RPA3: variants seen among roughly 807,000 people sequenced by gnomAD.
RPA3 encodes replication protein A 14 kDa subunit.
RPA3 carries 24 observed loss-of-function variants against 13.7 expected under a neutral mutation model. The ratio of observed to expected loss-of-function variants is 1.75; its 90% CI spans 1.27 to 2.46. The LOEUF (loss-of-function observed/expected upper bound fraction) is 2.46. Ranked by LOEUF, RPA3 falls within the 30% of genes most tolerant of loss-of-function variation. The pLI, the probability that RPA3 is intolerant of heterozygous loss-of-function variation, is 0.00. For synonymous variants in RPA3, 59 were observed against 51.2 expected (o/e 1.15, Z -0.65); for missense variants, 183 against 151.0 (o/e 1.21, Z -1.11).
intron 5 of RPA3, among the ~76,000 whole-genome samples, chr7:7,639,535 C>G (rs1207122188): frequency 2.0e-5 from 3 of 152,152 alleles, no homozygotes; most frequent in Non-Finnish European, 4.4e-5. Flanking sequence ...AAAAGGAGAA[C>G]TGGTTGCTAG....
chr7:7,651,294 G>A (rs1785217934), intron 4 of RPA3, among the ~76,000 whole-genome samples: 1 of 152,304 alleles, frequency 6.6e-6, no homozygotes, highest in Middle Eastern at 3.4e-3. Flanking sequence ...GAACCTCCTT[G>A]CAGGACTTGT....
intron 2 of RPA3, among the ~76,000 whole-genome samples, chr7:7,695,868 A>C (rs186161714): frequency 1.8e-4 from 27 of 152,172 alleles, no homozygotes; most frequent in African/African-American, 6.0e-4. Context: ...ACTACATCTT[A>C]TGCACTAATG....
chr7:7,700,508 T>C (rs896688736), intron 2 of RPA3, among the ~76,000 whole-genome samples: 1 of 152,130 alleles, frequency 6.6e-6, no homozygotes, highest in Non-Finnish European at 1.5e-5. Context: ...GAAGATCGCT[T>C]GAGGCCATAA....
At chr7:7,645,011 T>A (rs372216674) in intron 4 of RPA3, among the ~76,000 whole-genome samples, 12 of 152,344 alleles carry the variant, frequency 7.9e-5, no homozygotes, top group South Asian at 4.1e-4. Flanking sequence ...GTTTTGACTT[T>A]TAGCTTAGAT....
chr7:7,669,084 GT>G (rs11340786), intron 4 of RPA3, among the ~76,000 whole-genome samples: 101,861 of 148,898 alleles, frequency 0.68, 34,746 homozygotes, highest in East Asian at 0.86. Flanking sequence ...TGGGAATCAA[GT>G]TTTTTTTTTT....
chr7:7,649,974 C>T (rs1247723159), intron 4 of RPA3, among the ~76,000 whole-genome samples: 1 of 152,214 alleles, frequency 6.6e-6, no homozygotes, highest in Non-Finnish European at 1.5e-5. Context: ...TTTGATCTTA[C>T]ACTTTCCAGC....
intron 4 of RPA3, among the ~76,000 whole-genome samples, chr7:7,656,810 A>T (rs1015883452): frequency 1.3e-5 from 2 of 152,220 alleles, no homozygotes. Flanking sequence ...AATGATTTAT[A>T]ATCCTTTGGG....
rs1211690971 is a variant in RPA3 at position 7,640,397 on chromosome 7, G to A, written c.22C>T (p.Pro8Ser). The A allele has an allele frequency of 1.2e-6, 2 of 1,614,008 alleles. No individual in the cohort carries two copies. The highest frequency in any genetic ancestry group is 1.3e-5 in the African/African-American group (1 of 75,020). MVDMMDL[P>S]RSRINAGMLA... ...ATGCCGGCGTTGATGCGCGACCTGG[G>A]CAAGTCCATCATGTCCACCATGATT... Residue 8 changes from proline to serine, a missense_variant, in exon 5 of 8, where the codon CCC becomes TCC. By Grantham distance (74) the Pro-to-Ser change is moderately conservative (BLOSUM62 -1). Transcript: ENST00000223129.
At chr7:7,716,098 C>G (rs1474970152) in intron 1 of RPA3, among the ~76,000 whole-genome samples, 2 of 151,910 alleles carry the variant, frequency 1.3e-5, no homozygotes, top group Non-Finnish European at 2.9e-5. Flanking sequence ...ATGCAGAAAG[C>G]AAACAAGCTG....
Position 7,673,310 on chromosome 7 carries a change from T to TAGCAGCAGCAGCAGC in RPA3, c.-758+12505_-758+12519dup. 1,786 of 1,033,860 alleles carry TAGCAGCAGCAGCAGC rather than the reference T, an allele frequency of 1.7e-3. 3 individuals are homozygous for TAGCAGCAGCAGCAGC. The highest frequency in any genetic ancestry group is 4.6e-3 in the African/African-American group (280 of 60,990). 64.0% of individuals were successfully genotyped at this position (1,033,860 alleles called of 1,614,324 possible). On this transcript the variant is annotated intron_variant, in intron 4 of 7. Transcript: ENST00000223129. ...CATTGTGTAATGTTTCTATTTCAGGTAGCAGCAGCAGCAGCAGCAGCAGCA... is the reference window on the plus strand; with the variant it reads ...CATTGTGTAATGTTTCTATTTCAGGTAGCAGCAGCAGCAGCAGCAGCAGCAGCAGCAGCAGCAGCA...
intron 2 of RPA3, among the ~76,000 whole-genome samples, chr7:7,698,891 G>T (rs1244784025): frequency 1.4e-5 from 2 of 138,556 alleles, no homozygotes; most frequent in East Asian, 4.2e-4. Context: ...TTTTTTTTGA[G>T]ACAGTCTCAC....
intron 4 of RPA3, among the ~76,000 whole-genome samples, chr7:7,645,172 T>C (rs986583176): frequency 1.3e-5 from 2 of 152,204 alleles, no homozygotes; most frequent in Non-Finnish European, 2.9e-5. Context: ...TTTGAATAAT[T>C]ATAGTTTTGT....
intron 4 of RPA3, among the ~76,000 whole-genome samples, chr7:7,663,508 G>A (rs150155238): frequency 3.3e-5 from 5 of 152,140 alleles, no homozygotes; most frequent in South Asian, 4.1e-4. Flanking sequence ...TAGGTGGGAC[G>A]GAAAAACAGG....
intron 2 of RPA3, among the ~76,000 whole-genome samples, chr7:7,693,161 G>C (rs891053289): frequency 6.6e-6 from 1 of 152,072 alleles, no homozygotes; most frequent in Non-Finnish European, 1.5e-5. Context: ...GAATCTCTCA[G>C]GGAGCTGTAG....
chr7:7,639,707 G>A (rs1178860503), intron 5 of RPA3, among the ~76,000 whole-genome samples: 2 of 152,188 alleles, frequency 1.3e-5, no homozygotes. Flanking sequence ...ACTCATTTAA[G>A]GAAGAGGATG....
At position 7,640,335 on chromosome 7, in the gene RPA3, T is replaced by C. The variant is rs530690791; in HGVS notation, c.84A>G (p.Val28=). Residue 28 remains valine, a synonymous_variant, in exon 5 of 8, where the codon GTA becomes GTG. Coordinates refer to ENST00000223129, the MANE Select transcript of RPA3 (RefSeq NM_002947.5). ...ACCCGCACACCTTTTCCAGCCTCCCTACGAAGCAGACAGGCTTGTCGATGA... is the reference window on the plus strand; with the variant it reads ...ACCCGCACACCTTTTCCAGCCTCCCCACGAAGCAGACAGGCTTGTCGATGA... ...AQFIDKPVCF[V]GRLEKIHPTG... 3 of 1,614,034 alleles carry C rather than the reference T, an allele frequency of 1.9e-6. No individual in the cohort carries two copies. Among genetic ancestry groups the C allele is most frequent in the South Asian group, 2.2e-5 (2 of 91,068 alleles).
intron 2 of RPA3, among the ~76,000 whole-genome samples, chr7:7,711,219 C>G (rs1483036922): frequency 3.3e-5 from 5 of 152,110 alleles, no homozygotes; most frequent in African/African-American, 1.2e-4. Context: ...TGGGATATTT[C>G]CATATAATTT....
intron 4 of RPA3, among the ~76,000 whole-genome samples, chr7:7,646,099 G>A (rs940249744): frequency 1.3e-5 from 2 of 152,176 alleles, no homozygotes; most frequent in African/African-American, 4.8e-5. Context: ...TGCTCTTTTA[G>A]CCCTGCCGTC....
chr7:7,685,732 T>A (rs1210521086), intron 4 of RPA3, 98 bp downstream of exon 4: 1 of 152,224 alleles, frequency 6.6e-6, no homozygotes, highest in Non-Finnish European at 1.5e-5. Flanking sequence ...TCCGTACTAT[T>A]CTAAAGCTTT....
Sources: allele counts gnomAD v4.1 joint callset (sites outside exome capture counted in the v4.1 genomes callset), GRCh38; gene constraint gnomAD v4.1.1; transcripts MANE v1.5; gene names NCBI Gene and HGNC (gene_info 2026-07-23, HGNC 2026-07-21).